The following MBNL2 variants were observed in gnomAD, a reference collection of about 807,000 sequenced individuals.
MBNL2 encodes muscleblind like splicing regulator 2, also known as muscleblind-like protein 2.
MBNL2 carries 17 observed loss-of-function variants against 41.9 expected under a neutral mutation model. The ratio of observed to expected loss-of-function variants is 0.41; its 90% CI spans 0.28 to 0.61. The LOEUF is 0.61. Ranked by LOEUF, MBNL2 falls within the 20% of genes least tolerant of loss-of-function variation. The pLI, the probability that MBNL2 is intolerant of heterozygous loss-of-function variation, is 0.35. For synonymous variants in MBNL2, 195 were observed against 182.9 expected (o/e 1.07, Z -0.53); for missense variants, 336 against 505.6 (o/e 0.66, Z 3.22).
At chr13:97,309,289 C>T (rs540168527) in intron 2 of MBNL2, among the ~76,000 whole-genome samples, 4 of 152,110 alleles carry the variant, frequency 2.6e-5, no homozygotes, top group Non-Finnish European at 4.4e-5. Flanking sequence ...CATCACATCT[C>T]CCCCAAAATT....
At chr13:97,166,782 TGATAGATAGATAGATAGATAGATA>T in the MBNL2 span, among the ~76,000 whole-genome samples, 12 of 139,982 alleles carry the variant, frequency 8.6e-5, no homozygotes, top group Non-Finnish European at 1.2e-4. Flanking sequence ...AAACTTCCCT[TGATAGATAGATAGATAGATAGATA>T]GATAGATAGA....
intron 2 of MBNL2, among the ~76,000 whole-genome samples, chr13:97,291,900 C>CAAAAAAAAAAAAAAAAAAAAAAAAAAA (rs763407208): frequency 7.9e-5 from 3 of 37,814 alleles, no homozygotes; most frequent in African/African-American, 4.7e-4. Flanking sequence ...GTCTCCGTCT[C>CAAAAAAAAAAAAAAAAAAAAAAAAAAA]AAAAAAAAAA....
In MBNL2 at chr13:97,343,739, A is replaced by G. The variant is rs538985822; in HGVS notation, c.540+523A>G. Among the ~76,000 whole-genome samples, 64 of 152,356 alleles carry G rather than the reference A, an allele frequency of 4.2e-4. No individual in the cohort carries two copies. The South Asian group carries it at 0.013, about 31-fold the overall frequency. ...CATGGCTGCTCTAGTGTGTTCTGGC[A>G]TATTAGTTCTGATTGTGTTGTTGCT... On this transcript the variant is annotated intron_variant, in intron 4 of 8. Coordinates refer to ENST00000679496, the MANE Select transcript of MBNL2 (RefSeq NM_001382683.1).
intron 2 of MBNL2, among the ~76,000 whole-genome samples, chr13:97,290,664 C>T (rs1173798802): frequency 3.1e-5 from 4 of 129,294 alleles, no homozygotes; most frequent in Non-Finnish European, 1.6e-5. Context: ...GCCTGGGCGA[C>T]AGAGCGAGAC....
intron 2 of MBNL2, among the ~76,000 whole-genome samples, chr13:97,288,087 T>C (rs541939316): frequency 3.3e-5 from 5 of 152,212 alleles, no homozygotes; most frequent in Non-Finnish European, 7.4e-5. Context: ...GTTTATTTCT[T>C]TTATAAAATG....
intron 2 of MBNL2, among the ~76,000 whole-genome samples, chr13:97,284,261 G>C (rs369998158): frequency 1.3e-5 from 2 of 152,104 alleles, no homozygotes; most frequent in African/African-American, 4.8e-5. Context: ...TAAGGGCCAC[G>C]CTCCCTCTGA....
At chr13:97,245,500 A>C (rs1300107128) in intron 1 of MBNL2, among the ~76,000 whole-genome samples, 1 of 152,192 alleles carries the variant, frequency 6.6e-6, no homozygotes, top group Admixed American at 6.5e-5. Context: ...TGCTGGTAAC[A>C]ATGTTTCTAG....
chr13:97,297,354 G>A (rs1234628885), intron 2 of MBNL2, among the ~76,000 whole-genome samples: 3 of 152,170 alleles, frequency 2.0e-5, no homozygotes, highest in Admixed American at 6.5e-5. Flanking sequence ...TAAGTACCAG[G>A]AAGGGTCTCC....
chr13:97,285,447 G>A (rs556820347), intron 2 of MBNL2, among the ~76,000 whole-genome samples: 2 of 152,184 alleles, frequency 1.3e-5, no homozygotes, highest in African/African-American at 2.4e-5. Context: ...CCCCTTTAAC[G>A]ACAGCAGCTG....
intron 2 of MBNL2, among the ~76,000 whole-genome samples, chr13:97,332,832 G>T (rs1482691672): frequency 6.6e-6 from 1 of 152,166 alleles, no homozygotes; most frequent in African/African-American, 2.4e-5. Context: ...TATTCCCTTT[G>T]GTGTCCTTGG....
At position 97,393,116 on chromosome 13, in the gene MBNL2, G is replaced by A. The variant is rs374348489; in HGVS notation, c.*1667G>A. 17 of 152,468 alleles carry A rather than the reference G, an allele frequency of 1.1e-4. No individual in the cohort carries two copies. The highest frequency in any genetic ancestry group is 9.6e-4 in the East Asian group (5 of 5,182). The allele number at this position is 152,468 out of a possible 1,614,324, so 9.4% of individuals were successfully genotyped here. ...TGTATTCTTACATAGTGCTTGTATC[G>A]TTGCATTTGTTTTAATTTGTGGAAA... On this transcript the variant is annotated 3_prime_UTR_variant, in exon 9 of 9. Coordinates refer to ENST00000679496, the MANE Select transcript of MBNL2 (RefSeq NM_001382683.1).
the MBNL2 span, among the ~76,000 whole-genome samples, chr13:97,166,837 T>TAGAAAGAAAGAAAGAA: frequency 3.0e-3 from 437 of 143,370 alleles, 2 homozygotes; most frequent in East Asian, 6.9e-3. Context: ...GATAGATAGA[T>TAGAAAGAAAGAAAGAA]AGAAAGATAG....
At chr13:97,159,033 G>A in the MBNL2 span, among the ~76,000 whole-genome samples, 2 of 151,074 alleles carry the variant, frequency 1.3e-5, no homozygotes, top group African/African-American at 4.9e-5. Context: ...GGGAGTCTAA[G>A]TCTCTTTGTA....
At chr13:97,171,810 A>G in the MBNL2 span, among the ~76,000 whole-genome samples, 78 of 152,272 alleles carry the variant, frequency 5.1e-4, no homozygotes, top group Non-Finnish European at 9.1e-4. Context: ...TATGGGAGAT[A>G]ATTGAATCAT....
the MBNL2 span, among the ~76,000 whole-genome samples, chr13:97,197,383 T>G: frequency 9.2e-5 from 14 of 152,356 alleles, no homozygotes; most frequent in African/African-American, 3.1e-4. Flanking sequence ...TAAAAATGAT[T>G]TCTGGTTCCT....
At position 97,267,030 on chromosome 13, in the gene MBNL2, G is replaced by C. The variant is rs146168462; in HGVS notation, c.-604-8602G>C. On this transcript the variant is annotated intron_variant, in intron 1 of 8. Coordinates refer to ENST00000679496, the MANE Select transcript of MBNL2 (RefSeq NM_001382683.1). ...GTGCTGCAGAATTATTTCCCTTAAGGTGGTCTGAAATTTTGATCAATCTCA... is the reference window on the plus strand; with the variant it reads ...GTGCTGCAGAATTATTTCCCTTAAGCTGGTCTGAAATTTTGATCAATCTCA... 1.1e-4 allele frequency among the ~76,000 whole-genome samples: 16 copies of C among 152,262 alleles called. 1 individual carries two copies. Among genetic ancestry groups the C allele is most frequent in the African/African-American group, 3.9e-4 (16 of 41,546 alleles).
chr13:97,202,205 A>G, the MBNL2 span, among the ~76,000 whole-genome samples: 5 of 152,238 alleles, frequency 3.3e-5, no homozygotes, highest in Admixed American at 1.3e-4. Flanking sequence ...ATGAAATAGA[A>G]CTAGCTTTAT....
intron 8 of MBNL2, among the ~76,000 whole-genome samples, chr13:97,387,852 A>T (rs181840428): frequency 1.3e-3 from 204 of 152,272 alleles, no homozygotes; most frequent in Non-Finnish European, 2.0e-3. Context: ...TATATCTTAA[A>T]ATTCAAACAA....
chr13:97,282,333 G>C (rs969299906), intron 2 of MBNL2, among the ~76,000 whole-genome samples: 2 of 151,826 alleles, frequency 1.3e-5, no homozygotes, highest in African/African-American at 4.8e-5. Context: ...CCAGCCTGGG[G>C]GACACAGCAA....
Sources: gnomAD v4.1 joint callset for allele counts (sites outside exome capture counted in the v4.1 genomes callset) on GRCh38, gnomAD v4.1.1 for gene constraint, MANE v1.5 for transcripts, NCBI Gene and HGNC (gene_info 2026-07-23, HGNC 2026-07-21) for gene names.